The following HNF4A variants were observed in gnomAD, a reference collection of about 807,000 sequenced individuals.
HNF4A encodes hepatocyte nuclear factor 4 alpha.
HNF4A carries 15 observed loss-of-function variants against 52.4 expected under a neutral mutation model. The observed-to-expected ratio is 0.29, with a 90% CI of 0.19 to 0.44. The LOEUF is 0.44. Ranked by LOEUF, HNF4A falls within the 20% of genes least tolerant of loss-of-function variation. HNF4A has a pLI of 1.00. For missense variants in HNF4A, 479 were observed against 647.2 expected (o/e 0.74, Z 2.82); for synonymous variants, 280 against 264.4 (o/e 1.06, Z -0.57).
At chr20:44,402,465 C>G (rs2063423551) in intron 1 of HNF4A, 1 of 846,386 alleles carries the variant, frequency 1.2e-6, no homozygotes, top group Admixed American at 2.4e-5. Context: ...CTGGTGTGCA[C>G]GACTGCACAG....
rs1035960749 is a variant in HNF4A, at chr20:44,414,541, T to G, written c.527T>G (p.Ile176Ser). The G allele has an allele frequency of 1.9e-6, 3 of 1,614,136 alleles. No homozygotes were observed. Among genetic ancestry groups the G allele is most frequent in the African/African-American group, 2.7e-5 (2 of 74,948 alleles). Residue 176 changes from isoleucine to serine, a missense_variant, in exon 5 of 10, where the codon ATT becomes AGT. This residue lies in a region of HNF4A where 389 missense variants were observed against 525.1 expected (regional missense o/e 0.74). Transcript: ENST00000316099. ...CCCGTCTCCGGGATCAACGGCGACA[T>G]TCGGGCGAAGAAGATTGCCAGCATC...
At chr20:44,399,798 C>A (rs528132159), upstream of HNF4A, among the ~76,000 whole-genome samples, 3 of 152,278 alleles carry the variant, frequency 2.0e-5, no homozygotes, top group Admixed American at 6.5e-5. Context: ...TTCACTCACT[C>A]CTAATTCACC....
chr20:44,425,870 G>A (rs1168807225), intron 8 of HNF4A, among the ~76,000 whole-genome samples: 1 of 152,074 alleles, frequency 6.6e-6, no homozygotes, highest in Non-Finnish European at 1.5e-5. Context: ...ATGTTGCCCA[G>A]GCTGGTCTTG....
Position 44,368,793 on chromosome 20 carries a change from A to G in HNF4A, c.49+12940A>G, listed in dbSNP as rs550913462. 2.0e-5 allele frequency among the ~76,000 whole-genome samples: 3 copies of G among 152,344 alleles called. 1 individual carries two copies. In the South Asian group the frequency reaches 6.2e-4, roughly 32 times the overall value. Reference sequence around the variant, plus strand: ...AAGTCAGCTGTGAGTAATAGCCATAATAGTAATGTGGTTATGCAATTTAAA... The same window carrying G: ...AAGTCAGCTGTGAGTAATAGCCATAGTAGTAATGTGGTTATGCAATTTAAA... On this transcript the variant is annotated intron_variant, in intron 1 of 9. Coordinates refer to the HNF4A transcript ENST00000316673.
intron 1 of HNF4A, among the ~76,000 whole-genome samples, chr20:44,356,614 T>A (rs972184503): frequency 6.6e-6 from 1 of 152,190 alleles, no homozygotes; most frequent in Non-Finnish European, 1.5e-5. Context: ...GTGAAAACGG[T>A]ACACTGAAGA....
chr20:44,362,815 T>G (rs2062931391), intron 1 of HNF4A, among the ~76,000 whole-genome samples: 1 of 151,954 alleles, frequency 6.6e-6, no homozygotes, highest in Non-Finnish European at 1.5e-5. Flanking sequence ...CTACTAGCTG[T>G]GTGACCTTGA....
intron 1 of HNF4A, among the ~76,000 whole-genome samples, chr20:44,370,294 TG>T (rs1485991445): frequency 6.6e-6 from 1 of 152,250 alleles, no homozygotes; most frequent in Non-Finnish European, 1.5e-5. Flanking sequence ...CCCGAAGTGC[TG>T]GGATTACAGG....
intron 1 of HNF4A, among the ~76,000 whole-genome samples, chr20:44,387,079 G>A (rs2063233829): frequency 6.6e-6 from 1 of 151,918 alleles, no homozygotes. Flanking sequence ...GAGGTGGGTG[G>A]ATCACCTGAG....
chr20:44,418,037 A>C (rs574572101), intron 5 of HNF4A, among the ~76,000 whole-genome samples: 1 of 151,852 alleles, frequency 6.6e-6, no homozygotes, highest in African/African-American at 2.4e-5. Flanking sequence ...TAGCTGGTCC[A>C]TGGGTGGGAA....
At chr20:44,361,676 TC>T (rs2062918323) in intron 1 of HNF4A, among the ~76,000 whole-genome samples, 1 of 151,134 alleles carries the variant, frequency 6.6e-6, no homozygotes, top group Non-Finnish European at 1.5e-5. Context: ...AGACTATGTC[TC>T]AAAACCAAAC....
chr20:44,378,474 C>T (rs2063111329), intron 1 of HNF4A, among the ~76,000 whole-genome samples: 1 of 151,976 alleles, frequency 6.6e-6, no homozygotes, highest in Non-Finnish European at 1.5e-5. Context: ...CACTATGTTG[C>T]CCAGGCTGGT....
At position 44,421,773 on chromosome 20, in the gene HNF4A, G is replaced by GTA. The variant is rs576297296; in HGVS notation, c.892+1908_892+1909dup. ...TCATCTCAAAAAAATACATATATGT[G>GTA]TATATATATATAATATATATTATAT... On this transcript the variant is annotated intron_variant, in intron 7 of 9. Coordinates refer to ENST00000316099, the MANE Select transcript of HNF4A (RefSeq NM_000457.6). Among the ~76,000 whole-genome samples, 976 of 144,522 alleles carry GTA rather than the reference G, an allele frequency of 6.8e-3. 6 individuals carry two copies. Among genetic ancestry groups the GTA allele is most frequent in the East Asian group, 0.018 (91 of 5,044 alleles). The allele number at this position is 144,522 out of a possible 152,430, so 94.8% of individuals were successfully genotyped here. A position where few individuals can be genotyped will look rare whatever the true frequency, so the allele number is the denominator to read the frequency against.
intron 1 of HNF4A, among the ~76,000 whole-genome samples, chr20:44,357,322 G>A (rs1161481276): frequency 1.3e-5 from 2 of 152,112 alleles, no homozygotes; most frequent in Admixed American, 6.6e-5. Flanking sequence ...CCCAGAGAGC[G>A]GGGAGATTAG....
intron 1 of HNF4A, among the ~76,000 whole-genome samples, chr20:44,363,170 T>C (rs1296195409): frequency 6.6e-6 from 1 of 152,146 alleles, no homozygotes; most frequent in Non-Finnish European, 1.5e-5. Flanking sequence ...CAATCTTTTT[T>C]GCCTCAGTTT....
chr20:44,411,181 G>A (rs896253299), intron 3 of HNF4A, among the ~76,000 whole-genome samples: 2 of 152,154 alleles, frequency 1.3e-5, no homozygotes, highest in Non-Finnish European at 2.9e-5. Context: ...CGTAGGTGAT[G>A]GGCCAGGGGC....
chr20:44,386,282 C>T (rs6124638), intron 1 of HNF4A, among the ~76,000 whole-genome samples: 45,154 of 146,672 alleles, frequency 0.31, 7,007 homozygotes, highest in Middle Eastern at 0.35. Context: ...ATTTTCCTGT[C>T]TCAGCCTCCC....
At chr20:44,397,020 C>T (rs913806912), upstream of HNF4A, among the ~76,000 whole-genome samples, 3 of 152,106 alleles carry the variant, frequency 2.0e-5, no homozygotes, top group Admixed American at 1.3e-4. Flanking sequence ...ACCAAGGCTT[C>T]GAAATAAAAA....
At chr20:44,385,829 C>A (rs1160871520) in intron 1 of HNF4A, among the ~76,000 whole-genome samples, 2 of 151,660 alleles carry the variant, frequency 1.3e-5, no homozygotes, top group Non-Finnish European at 2.9e-5. Context: ...TTGGTCCTGG[C>A]ACCTGGAGGT....
chr20:44,399,188 C>T (rs1270193973), upstream of HNF4A, among the ~76,000 whole-genome samples: 1 of 150,648 alleles, frequency 6.6e-6, no homozygotes, highest in Non-Finnish European at 1.5e-5. Context: ...TATTTGGTCT[C>T]TTTCAGCCCC....
Sources: allele counts gnomAD v4.1 joint callset (sites outside exome capture counted in the v4.1 genomes callset), GRCh38; gene constraint gnomAD v4.1.1; regional missense constraint gnomAD v4.1.1; transcripts MANE v1.5; gene names NCBI Gene and HGNC (gene_info 2026-07-23, HGNC 2026-07-21).